The following GPHN variants were observed in gnomAD, a reference collection of about 807,000 sequenced individuals.
GPHN encodes the protein gephyrin.
GPHN carries 17 observed loss-of-function variants against 95.5 expected under a neutral mutation model. The observed-to-expected ratio is 0.18, with a 90% CI of 0.12 to 0.27. GPHN has a LOEUF of 0.27. GPHN is among the 10% of genes least tolerant of loss of function. The probability of loss-of-function intolerance (pLI) is 1.00; values close to 1 mark genes in which losing one functional copy is unlikely to be tolerated. For missense variants in GPHN, 660 were observed against 978.1 expected (o/e 0.67, Z 4.34); for synonymous variants, 320 against 322.5 (o/e 0.99, Z 0.08).
chr14:67,418,560 G>A, the GPHN span, among the ~76,000 whole-genome samples: 3 of 152,184 alleles, frequency 2.0e-5, no homozygotes, highest in Non-Finnish European at 2.9e-5. Flanking sequence ...CACAAGCCCC[G>A]CGCGGCCCAG....
At chr14:66,762,460 G>A (rs898716106) in intron 2 of GPHN, among the ~76,000 whole-genome samples, 2 of 151,636 alleles carry the variant, frequency 1.3e-5, no homozygotes, top group Non-Finnish European at 2.9e-5. Flanking sequence ...CCTTTCCATG[G>A]TGTAAAATCT....
At chr14:66,966,004 T>G (rs2153588003) in intron 9 of GPHN, among the ~76,000 whole-genome samples, 1 of 152,264 alleles carries the variant, frequency 6.6e-6, no homozygotes, top group African/African-American at 2.4e-5. Flanking sequence ...TGTGACTACT[T>G]TCTCCTGGAA....
At chr14:67,073,327 T>G (rs1474474998) in intron 11 of GPHN, among the ~76,000 whole-genome samples, 1 of 152,136 alleles carries the variant, frequency 6.6e-6, no homozygotes, top group Non-Finnish European at 1.5e-5. Flanking sequence ...GTGCTACCCA[T>G]TTATCAGTGA....
intron 2 of GPHN, among the ~76,000 whole-genome samples, chr14:66,766,617 A>G (rs892253674): frequency 5.9e-5 from 9 of 152,088 alleles, no homozygotes; most frequent in Non-Finnish European, 1.3e-4. Context: ...ACATTTGTGC[A>G]ATATTCCCAA....
At chr14:67,254,000 A>G in the GPHN span, among the ~76,000 whole-genome samples, 18,225 of 137,462 alleles carry the variant, frequency 0.13, 2,417 homozygotes, top group East Asian at 0.38. Flanking sequence ...GATGTCTTTC[A>G]TGTCTTTTTT....
intron 1 of GPHN, among the ~76,000 whole-genome samples, chr14:66,572,364 T>C (rs979565864): frequency 6.6e-6 from 1 of 152,200 alleles, no homozygotes; most frequent in African/African-American, 2.4e-5. Flanking sequence ...TACCAGAATT[T>C]TTACAATTCA....
chr14:66,959,252 G>A (rs573982223), intron 8 of GPHN, among the ~76,000 whole-genome samples: 5 of 151,846 alleles, frequency 3.3e-5, no homozygotes, highest in South Asian at 4.2e-4. Flanking sequence ...CGTGAGATAC[G>A]ACTGACCTTT....
chr14:67,593,362 A>G, the GPHN span: 1 of 237,156 alleles, frequency 4.2e-6, no homozygotes, highest in Non-Finnish European at 8.3e-6. Context: ...ATGGTGGTGC[A>G]TGCCTGTAGT....
chr14:67,296,910 C>T, the GPHN span, among the ~76,000 whole-genome samples: 4 of 152,138 alleles, frequency 2.6e-5, no homozygotes, highest in Non-Finnish European at 5.9e-5. Flanking sequence ...CCATCTCAGC[C>T]TCCCAGAGTA....
the GPHN span, among the ~76,000 whole-genome samples, chr14:67,289,131 T>A: frequency 9.4e-6 from 1 of 106,706 alleles, no homozygotes; most frequent in Non-Finnish European, 1.7e-5. Context: ...CATAACTGGT[T>A]AATTTTTGCA....
chr14:67,438,104 C>T, the GPHN span, among the ~76,000 whole-genome samples: 1 of 152,160 alleles, frequency 6.6e-6, no homozygotes, highest in Non-Finnish European at 1.5e-5. Flanking sequence ...TCCCAATCAT[C>T]TCCCCAAGGT....
At chr14:67,575,369 G>T in the GPHN span, 1 of 1,474,282 alleles carries the variant, frequency 6.8e-7, no homozygotes, top group South Asian at 1.2e-5. Flanking sequence ...TTCTCATAAT[G>T]CCAGTTCATT....
chr14:67,589,786 G>A, the GPHN span: 2 of 1,091,058 alleles, frequency 1.8e-6, no homozygotes, highest in Non-Finnish European at 2.2e-6. Flanking sequence ...AACATGCTTA[G>A]CAATTTCCGA....
At chr14:66,923,517 C>T (rs1383443480) in intron 7 of GPHN, among the ~76,000 whole-genome samples, 2 of 152,050 alleles carry the variant, frequency 1.3e-5, no homozygotes, top group Admixed American at 6.6e-5. Context: ...AGGACAATAT[C>T]AAAGTATTAC....
At chr14:66,749,354 A>G (rs755762402) in intron 2 of GPHN, among the ~76,000 whole-genome samples, 1 of 151,948 alleles carries the variant, frequency 6.6e-6, no homozygotes, top group African/African-American at 2.4e-5. Flanking sequence ...CTTTGAGTAA[A>G]TACCATGGAT....
chr14:66,906,036 G>A (rs1596332714), intron 5 of GPHN, among the ~76,000 whole-genome samples: 1 of 147,660 alleles, frequency 6.8e-6, no homozygotes, highest in East Asian at 2.0e-4. Flanking sequence ...AGTCCTAGGT[G>A]ACACATTATC....
intron 2 of GPHN, among the ~76,000 whole-genome samples, chr14:66,721,717 G>A (rs1260292111): frequency 6.6e-6 from 1 of 151,992 alleles, no homozygotes; most frequent in Non-Finnish European, 1.5e-5. Context: ...TTGGAAGGCC[G>A]AGGCAGGCGA....
chr14:66,863,172 A>G (rs2063095972), intron 4 of GPHN, among the ~76,000 whole-genome samples: 1 of 151,934 alleles, frequency 6.6e-6, no homozygotes, highest in Admixed American at 6.6e-5. Flanking sequence ...TAGCATTTCT[A>G]TATGCCAACA....
chr14:66,566,118 TC>T (rs1244730731), intron 1 of GPHN, among the ~76,000 whole-genome samples: 2 of 152,068 alleles, frequency 1.3e-5, no homozygotes, highest in East Asian at 3.8e-4. Context: ...ATGTCATTTT[TC>T]AAAAAGTCTA....
Sources: allele counts gnomAD v4.1 joint callset (sites outside exome capture counted in the v4.1 genomes callset), GRCh38; gene constraint gnomAD v4.1.1; transcripts MANE v1.5; gene names NCBI Gene and HGNC (gene_info 2026-07-23, HGNC 2026-07-21).